Variants in AGBL4 observed in about 807,000 individuals in gnomAD.
AGBL4 encodes the protein AGBL carboxypeptidase 4.
AGBL4 carries 58 observed loss-of-function variants against 66.4 expected under a neutral mutation model. The observed-to-expected ratio is 0.87, with a 90% CI of 0.71 to 1.09. The LOEUF is 1.09. AGBL4 is among the 50% of genes least tolerant of loss of function. The pLI, the probability that AGBL4 is intolerant of heterozygous loss-of-function variation, is 0.00. For missense variants in AGBL4, 579 were observed against 631.0 expected (o/e 0.92, Z 0.88); for synonymous variants, 234 against 222.9 (o/e 1.05, Z -0.44).
chr1:48,686,956 T>C (rs1229483127), intron 6 of AGBL4, among the ~76,000 whole-genome samples: 1 of 151,666 alleles, frequency 6.6e-6, no homozygotes, highest in Non-Finnish European at 1.5e-5. Context: ...TGTGTGTATA[T>C]GTGTTAGGGC....
chr1:49,767,357 C>T (rs1359861357), intron 2 of AGBL4, among the ~76,000 whole-genome samples: 1 of 151,784 alleles, frequency 6.6e-6, no homozygotes, highest in Non-Finnish European at 1.5e-5. Context: ...CCTGAAAGAC[C>T]TTAGGGCGAA....
At chr1:48,762,168 G>A (rs571182186) in intron 6 of AGBL4, among the ~76,000 whole-genome samples, 2 of 152,328 alleles carry the variant, frequency 1.3e-5, no homozygotes, top group African/African-American at 4.8e-5. Flanking sequence ...CTGAGGAACA[G>A]CCGGGAGTGG....
chr1:49,933,644 G>C (rs532108619), intron 1 of AGBL4, among the ~76,000 whole-genome samples: 2 of 152,200 alleles, frequency 1.3e-5, no homozygotes, highest in Admixed American at 1.3e-4. Context: ...CAATAACAAA[G>C]TGTGAGGGGG....
At chr1:49,593,263 C>T (rs944724986) in intron 3 of AGBL4, among the ~76,000 whole-genome samples, 6 of 151,938 alleles carry the variant, frequency 3.9e-5, no homozygotes, top group South Asian at 4.2e-4. Context: ...AAAAATTAGC[C>T]GGGTGTGGTG....
chr1:49,913,491 G>A (rs563789482), intron 1 of AGBL4, among the ~76,000 whole-genome samples: 10 of 152,344 alleles, frequency 6.6e-5, no homozygotes, highest in East Asian at 1.9e-4. Flanking sequence ...CCCCTATGGC[G>A]TTGCTGGGCT....
chr1:49,784,041 G>C (rs1553122443), intron 2 of AGBL4, among the ~76,000 whole-genome samples: 1 of 152,046 alleles, frequency 6.6e-6, no homozygotes, highest in Non-Finnish European at 1.5e-5. Flanking sequence ...TAGATCAAAA[G>C]TCTTAATATT....
chr1:49,210,179 C>T (rs961733967), intron 4 of AGBL4, among the ~76,000 whole-genome samples: 1 of 152,002 alleles, frequency 6.6e-6, no homozygotes, highest in African/African-American at 2.4e-5. Context: ...TATTTTCAGG[C>T]CCCATTCTTA....
At chr1:48,673,579 T>G (rs746708284) in intron 6 of AGBL4, among the ~76,000 whole-genome samples, 1 of 152,100 alleles carries the variant, frequency 6.6e-6, no homozygotes, top group Non-Finnish European at 1.5e-5. Flanking sequence ...TATTAAAGAG[T>G]GTAATTTTTT....
At chr1:49,530,086 A>G (rs17105701) in intron 3 of AGBL4, among the ~76,000 whole-genome samples, 14,281 of 151,654 alleles carry the variant, frequency 0.094, 923 homozygotes, top group African/African-American at 0.17. Context: ...GCTTCTGTAC[A>G]TGGTATGAAA....
intron 4 of AGBL4, among the ~76,000 whole-genome samples, chr1:49,093,891 C>G (rs534266892): frequency 6.6e-6 from 1 of 152,284 alleles, no homozygotes; most frequent in East Asian, 1.9e-4. Context: ...CTTACCACTT[C>G]ATAAGGTAGC....
At chr1:49,562,869 G>C (rs1036064995) in intron 3 of AGBL4, among the ~76,000 whole-genome samples, 3 of 151,018 alleles carry the variant, frequency 2.0e-5, no homozygotes, top group Non-Finnish European at 4.4e-5. Flanking sequence ...GCTTGATGGG[G>C]ATGGCATTGA....
chr1:49,571,554 G>A (rs374879493), intron 3 of AGBL4, among the ~76,000 whole-genome samples: 2 of 152,060 alleles, frequency 1.3e-5, no homozygotes, highest in African/African-American at 4.8e-5. Context: ...ACTGATTTGA[G>A]GCCTTTTATT....
At chr1:48,879,533 C>G (rs1294907391) in intron 5 of AGBL4, among the ~76,000 whole-genome samples, 1 of 151,354 alleles carries the variant, frequency 6.6e-6, no homozygotes, top group African/African-American at 2.5e-5. Context: ...TTTCCCTTGC[C>G]TAACTTTCCT....
chr1:49,050,618 C>G (rs980218688), intron 4 of AGBL4, among the ~76,000 whole-genome samples: 19 of 151,996 alleles, frequency 1.3e-4, no homozygotes, highest in Admixed American at 9.8e-4. Flanking sequence ...AAATGCTATT[C>G]CTTGCCTTTT....
intron 9 of AGBL4, among the ~76,000 whole-genome samples, chr1:48,633,263 C>T (rs1645619659): frequency 6.6e-6 from 1 of 152,216 alleles, no homozygotes; most frequent in Admixed American, 6.5e-5. Flanking sequence ...TAATATATCG[C>T]ATTTGTTTTT....
intron 3 of AGBL4, among the ~76,000 whole-genome samples, chr1:49,492,311 T>C (rs1647205117): frequency 1.3e-5 from 2 of 151,910 alleles, no homozygotes; most frequent in South Asian, 4.2e-4. Context: ...GTGAATATGC[T>C]GGAAAAATGG....
At chr1:48,927,570 A>C (rs2148899171) in intron 5 of AGBL4, among the ~76,000 whole-genome samples, 1 of 152,258 alleles carries the variant, frequency 6.6e-6, no homozygotes, top group South Asian at 2.1e-4. Flanking sequence ...TGGAGTGAGG[A>C]TGAAGTCCCA....
At chr1:49,402,469 G>A (rs1351484113) in intron 3 of AGBL4, among the ~76,000 whole-genome samples, 1 of 151,932 alleles carries the variant, frequency 6.6e-6, no homozygotes. Flanking sequence ...TAATTTCAAT[G>A]TGTTTGTGTA....
chr1:49,243,044 T>C (rs1378195584), intron 4 of AGBL4, among the ~76,000 whole-genome samples: 1 of 150,358 alleles, frequency 6.7e-6, no homozygotes, highest in African/African-American at 2.4e-5. Context: ...TACACACACA[T>C]ACATATATAT....
Sources: allele counts gnomAD v4.1 joint callset (sites outside exome capture counted in the v4.1 genomes callset), GRCh38; gene constraint gnomAD v4.1.1; transcripts MANE v1.5; gene names NCBI Gene and HGNC (gene_info 2026-07-23, HGNC 2026-07-21).